Variants in ASB17 observed in about 807,000 individuals in gnomAD.
The protein encoded by ASB17 is ankyrin repeat and SOCS box containing 17, also known as ankyrin repeat and SOCS box protein 17.
ASB17 carries 26 observed loss-of-function variants against 25.7 expected under a neutral mutation model. The ratio of observed to expected loss-of-function variants is 1.01; its 90% CI spans 0.74 to 1.40. The LOEUF is 1.40. ASB17 is among the 40% of genes most tolerant of loss of function. ASB17 has a pLI of 0.00. For synonymous variants in ASB17, 128 were observed against 121.4 expected, an observed-to-expected ratio of 1.05 and a Z score of -0.36; for missense variants, 326 against 338.5, an observed-to-expected ratio of 0.96 and a Z score of 0.29.
At chr1:75,925,477 A>C (rs768567205) in intron 1 of ASB17, among the ~76,000 whole-genome samples, 4 of 152,070 alleles carry the variant, frequency 2.6e-5, no homozygotes, top group Non-Finnish European at 5.9e-5. Context: ...CTAAAACCCA[A>C]ATAGGTTTAA....
intron 1 of ASB17, 138 bp downstream of exon 1, chr1:75,931,753 C>A: frequency 1.6e-6 from 1 of 636,692 alleles, no homozygotes; most frequent in South Asian, 2.9e-5. Context: ...AAGGAGTGAA[C>A]ACGTGGTCAA....
chr1:75,923,478 C>G (rs1459635078), intron 1 of ASB17, among the ~76,000 whole-genome samples: 1 of 151,950 alleles, frequency 6.6e-6, no homozygotes. Flanking sequence ...GTTGTGGTGT[C>G]CTTGACCACA....
At chr1:75,929,290 C>T (rs1309364631) in intron 1 of ASB17, among the ~76,000 whole-genome samples, 1 of 151,678 alleles carries the variant, frequency 6.6e-6, no homozygotes, top group African/African-American at 2.4e-5. Context: ...AGTGGCGCGA[C>T]CTCAGCTCAT....
chr1:75,922,122 T>C lies in ASB17; in HGVS notation c.639A>G (p.Leu213=), dbSNP rs1653041055. The C allele has an allele frequency of 6.2e-7, 1 of 1,613,804 alleles. No individual in the cohort carries two copies. The highest frequency in any genetic ancestry group is 8.5e-7 in the Non-Finnish European group (1 of 1,179,838). ...IHEDAKTCLV[L]CSRVLSVISV... ...AAATGACAGAAAGCACTCTGGAACA[T>C]AGTACCAAACATGTTTTGGCATCTT... The change falls in exon 2 of 3, where the codon CTA becomes CTG. Residue 213 remains leucine (L), a synonymous_variant. Transcript: ENST00000284142.
At chr1:75,929,081 T>A (rs975336122) in intron 1 of ASB17, among the ~76,000 whole-genome samples, 1 of 152,142 alleles carries the variant, frequency 6.6e-6, no homozygotes, top group Non-Finnish European at 1.5e-5. Flanking sequence ...ATGGCAGGAA[T>A]GAACTTGAAG....
chr1:75,924,020 C>T (rs1386547928), intron 1 of ASB17, among the ~76,000 whole-genome samples: 3 of 152,046 alleles, frequency 2.0e-5, no homozygotes, highest in African/African-American at 7.2e-5. Flanking sequence ...ATGATAGAAG[C>T]ATGCTCAGGG....
At chr1:75,923,812 G>A (rs1282243506) in intron 1 of ASB17, among the ~76,000 whole-genome samples, 2 of 152,090 alleles carry the variant, frequency 1.3e-5, no homozygotes, top group East Asian at 3.9e-4. Flanking sequence ...GAGCAAGTTG[G>A]CCTCTTTACA....
At position 75,922,205 on chromosome 1, in the gene ASB17, C is replaced by G; in HGVS notation, c.556G>C (p.Val186Leu). 1 of 1,613,800 alleles carries G rather than the reference C, an allele frequency of 6.2e-7. No homozygotes were observed. Among genetic ancestry groups the G allele is most frequent in the African/African-American group, 1.3e-5 (1 of 75,038 alleles). Reference protein sequence around the residue: ...KNPINIVLTIVLYPSRVRVMV... With the variant: ...KNPINIVLTILLYPSRVRVMV... ...ACTCTTACTCTCGAAGGGTAGAGTA[C>G]TATTGTTAAGACAATGTTGATAGGG... The change falls in exon 2 of 3, where the codon GTA (valine) becomes CTA (leucine). Residue 186 changes from valine (V) to leucine (L), a missense_variant. Coordinates refer to ENST00000284142, the MANE Select transcript of ASB17 (RefSeq NM_080868.3).
rs3037164 is a variant in ASB17 at position 75,922,488 on chromosome 1, C to CTTTTTT, written c.402-135_402-130dup. Reference sequence around the variant, plus strand: ...GTCTTAAATGTAACTTTATATGTTTCTTTTTTTTTTTTTTTTTTTTTTTTT... The same window carrying CTTTTTT: ...GTCTTAAATGTAACTTTATATGTTTCTTTTTTTTTTTTTTTTTTTTTTTTTTTTTTT... On this transcript the variant is annotated intron_variant, in intron 1 of 2. Coordinates refer to ENST00000284142, the MANE Select transcript of ASB17 (RefSeq NM_080868.3). The CTTTTTT allele has an allele frequency of 6.8e-3, 835 of 122,342 alleles. 51 individuals carry two copies. Among genetic ancestry groups the CTTTTTT allele is most frequent in the East Asian group, 0.014 (38 of 2,624 alleles). The allele number at this position is 122,342 out of a possible 1,614,324, so 7.6% of individuals were successfully genotyped here.
intron 1 of ASB17, among the ~76,000 whole-genome samples, chr1:75,931,563 A>G (rs1391297414): frequency 6.6e-6 from 1 of 152,192 alleles, no homozygotes; most frequent in Non-Finnish European, 1.5e-5. Flanking sequence ...TATAAATATA[A>G]AACCATAGGA....
intron 1 of ASB17, among the ~76,000 whole-genome samples, chr1:75,930,164 T>C (rs115711619): frequency 0.054 from 8,004 of 148,804 alleles, 371 homozygotes; most frequent in African/African-American, 0.12. Context: ...TTATATATTA[T>C]ATATATTCAA....
intron 1 of ASB17, among the ~76,000 whole-genome samples, chr1:75,925,304 T>A (rs1382422288): frequency 1.3e-5 from 2 of 152,094 alleles, no homozygotes; most frequent in African/African-American, 4.8e-5. Flanking sequence ...AAGAAAATAT[T>A]TGACTTAAGA....
At chr1:75,922,488 CTTTTTTTTTTTT>C in intron 1 of ASB17, 129 bp from the exon 2 acceptor site, 10 of 118,466 alleles carry the variant, frequency 8.4e-5, no homozygotes, top group Non-Finnish European at 1.3e-4. Context: ...TTATATGTTT[CTTTTTTTTTTTT>C]TTTTTTTTTT....
chr1:75,923,248 C>A (rs571725339), intron 1 of ASB17, among the ~76,000 whole-genome samples: 1 of 152,024 alleles, frequency 6.6e-6, no homozygotes, highest in Non-Finnish European at 1.5e-5. Flanking sequence ...ATAGTGAGAA[C>A]CATATCAGGT....
At chr1:75,925,041 C>G (rs1434979741) in intron 1 of ASB17, among the ~76,000 whole-genome samples, 1 of 152,080 alleles carries the variant, frequency 6.6e-6, no homozygotes, top group Non-Finnish European at 1.5e-5. Flanking sequence ...AAAGTGGAAG[C>G]CTCTAAAAGA....
At chr1:75,919,542 C>G (rs572592829) in intron 2 of ASB17, among the ~76,000 whole-genome samples, 2 of 152,162 alleles carry the variant, frequency 1.3e-5, no homozygotes, top group African/African-American at 2.4e-5. Context: ...CCCTCTCCCC[C>G]TACCCCACAA....
In ASB17 at chr1:75,922,264, A is replaced by T. The variant is rs1167128983; in HGVS notation, c.497T>A (p.Leu166Gln). 2 of 1,613,066 alleles carry T rather than the reference A, an allele frequency of 1.2e-6. No homozygotes were observed. Among genetic ancestry groups the T allele is most frequent in the Non-Finnish European group, 1.7e-6 (2 of 1,179,342 alleles). ...TCTTTCTAAGATTCCATATTGCAGT[A>T]GTATTTTGAAGATATTAGACTGTCT... ...QTRQSNIFKILLQYGILEREK... is the reference protein window; with the variant it reads ...QTRQSNIFKIQLQYGILEREK... Residue 166 changes from leucine to glutamine, a missense_variant, in exon 2 of 3, where the codon CTA becomes CAA. Physicochemically the swap from Leu to Gln is moderately radical, Grantham distance 113. Transcript: ENST00000284142.
At chr1:75,928,904 T>C (rs1653244530) in intron 1 of ASB17, among the ~76,000 whole-genome samples, 2 of 152,212 alleles carry the variant, frequency 1.3e-5, no homozygotes, top group Admixed American at 6.5e-5. Flanking sequence ...GATCAGCAGG[T>C]GCAGAGAATT....
chr1:75,924,508 C>G (rs1315979363), intron 1 of ASB17, among the ~76,000 whole-genome samples: 1 of 151,706 alleles, frequency 6.6e-6, no homozygotes, highest in Non-Finnish European at 1.5e-5. Flanking sequence ...GTCACTGGCA[C>G]TATACATACA....
Sources: allele counts gnomAD v4.1 joint callset (sites outside exome capture counted in the v4.1 genomes callset), GRCh38; gene constraint gnomAD v4.1.1; transcripts MANE v1.5; gene names NCBI Gene and HGNC (gene_info 2026-07-23, HGNC 2026-07-21).